Variants in RBPMS observed in about 807,000 individuals in gnomAD.
The protein encoded by RBPMS is RNA-binding protein with multiple splicing.
RBPMS carries 7 observed loss-of-function variants against 26.8 expected under a neutral mutation model. The ratio of observed to expected loss-of-function variants is 0.26; its 90% CI spans 0.15 to 0.49. RBPMS has a LOEUF of 0.49. Among genes scored for constraint, RBPMS ranks in the 20% least tolerant of loss-of-function variants. The pLI, the probability that RBPMS is intolerant of heterozygous loss-of-function variation, is 0.98. For missense variants in RBPMS, 186 were observed against 250.0 expected (o/e 0.74, Z 1.73); for synonymous variants, 96 against 93.3 (o/e 1.03, Z -0.17).
intron 5 of RBPMS, chr8:30,537,575 CAGT>C (rs771200790): frequency 4.4e-6 from 2 of 456,188 alleles, no homozygotes; most frequent in Non-Finnish European, 4.4e-6. Flanking sequence ...TCTTTATCAT[CAGT>C]AGGTGGAGCT....
Position 30,561,868 on chromosome 8 carries a change from G to A in RBPMS, c.*7+2912G>A, listed in dbSNP as rs79942102. Reference sequence around the variant, plus strand: ...AAGACATCCATTGTGAAGCAGTTGCGTGGGTTCCAGTGACAGAGATCCTGG... The same window carrying A: ...AAGACATCCATTGTGAAGCAGTTGCATGGGTTCCAGTGACAGAGATCCTGG... On this transcript the variant is annotated intron_variant, in intron 7 of 8. Transcript: ENST00000397323. 3.2e-4 allele frequency: 315 copies of A among 985,142 alleles called. 5 individuals are homozygous for A. In the East Asian group the frequency reaches 0.029, roughly 90 times the overall value. The allele number at this position is 985,142 out of a possible 1,614,324, so 61.0% of individuals were successfully genotyped here.
At chr8:30,568,611 A>G (rs1828055798) in intron 8 of RBPMS, among the ~76,000 whole-genome samples, 1 of 152,188 alleles carries the variant, frequency 6.6e-6, no homozygotes, top group African/African-American at 2.4e-5. Context: ...CATCACCTGT[A>G]TGTCATAGTC....
At chr8:30,409,132 A>G (rs957885965) in intron 1 of RBPMS, among the ~76,000 whole-genome samples, 9 of 151,334 alleles carry the variant, frequency 5.9e-5, no homozygotes, top group Non-Finnish European at 1.2e-4. Context: ...TTTACATGTC[A>G]GTCTGTTCTT....
At chr8:30,410,501 C>G (rs1273964875) in intron 1 of RBPMS, among the ~76,000 whole-genome samples, 2 of 151,962 alleles carry the variant, frequency 1.3e-5, no homozygotes, top group Non-Finnish European at 2.9e-5. Context: ...AGCCACCGTG[C>G]CTGGCCAACT....
chr8:30,567,411 C>G (rs1428055224), intron 8 of RBPMS, among the ~76,000 whole-genome samples: 1 of 152,222 alleles, frequency 6.6e-6, no homozygotes. Context: ...GTGCCTGTTT[C>G]TTGCACTAAC....
At position 30,486,632 on chromosome 8, in the gene RBPMS, C is replaced by CA. The variant is rs564637889; in HGVS notation, c.246+7264dup. ...TGGGCGATGGAGTGAGACTCTCTCT[C>CA]AAAAAAAAATAAAAAAATAAAAGAA... On this transcript the variant is annotated intron_variant, in intron 4 of 8. Transcript: ENST00000397323. Among the ~76,000 whole-genome samples, 143 of 114,220 alleles carry CA rather than the reference C, an allele frequency of 1.3e-3. 1 individual carries two copies. The highest frequency in any genetic ancestry group is 3.2e-3 in the African/African-American group (102 of 31,534). The allele number at this position is 114,220 out of a possible 152,430, so 74.9% of individuals were successfully genotyped here.
chr8:30,511,450 C>A (rs372389488), intron 5 of RBPMS, among the ~76,000 whole-genome samples: 1 of 127,134 alleles, frequency 7.9e-6, no homozygotes, highest in African/African-American at 3.1e-5. Context: ...GGCAAAACCC[C>A]ATCTCTTTAA....
chr8:30,503,107 C>A (rs373181155), intron 4 of RBPMS, among the ~76,000 whole-genome samples: 2 of 152,084 alleles, frequency 1.3e-5, no homozygotes, highest in South Asian at 4.1e-4. Context: ...TCCCTAAGGA[C>A]CTCTCTTTCC....
chr8:30,391,151 G>A (rs956732716), intron 1 of RBPMS, among the ~76,000 whole-genome samples: 1 of 152,198 alleles, frequency 6.6e-6, no homozygotes, highest in Non-Finnish European at 1.5e-5. Flanking sequence ...CCATTTGCGA[G>A]CACAGGTGAG....
intron 1 of RBPMS, among the ~76,000 whole-genome samples, chr8:30,455,831 A>G (rs1231790686): frequency 6.6e-6 from 1 of 152,172 alleles, no homozygotes; most frequent in Non-Finnish European, 1.5e-5. Context: ...CGGAGCTTGC[A>G]GTGAGCTGAG....
At chr8:30,441,772 C>T (rs1813099615) in intron 1 of RBPMS, among the ~76,000 whole-genome samples, 1 of 152,124 alleles carries the variant, frequency 6.6e-6, no homozygotes, top group African/African-American at 2.4e-5. Flanking sequence ...ATTTTTTATT[C>T]GTGGATTCTC....
Position 30,442,425 on chromosome 8 carries a change from C to A in RBPMS, c.67-32354C>A, listed in dbSNP as rs187064200. 2.0e-5 allele frequency among the ~76,000 whole-genome samples: 3 copies of A among 152,286 alleles called. No homozygotes were observed. The East Asian group carries it at 5.8e-4, about 29-fold the overall frequency. The stretch of plus-strand genomic sequence containing the variant: ...TTGCAGGTTTTTCTCAGCTCATTCC[C>A]ACTCCTTTCACCCTCACCGTGGCAA... On this transcript the variant is annotated intron_variant, in intron 1 of 8. Coordinates refer to ENST00000397323, the MANE Select transcript of RBPMS (RefSeq NM_001008710.3).
intron 1 of RBPMS, among the ~76,000 whole-genome samples, chr8:30,456,064 A>C (rs1201006094): frequency 6.6e-6 from 1 of 152,154 alleles, no homozygotes; most frequent in Non-Finnish European, 1.5e-5. Flanking sequence ...GCATGCTAGC[A>C]GTGTTGAATG....
intron 1 of RBPMS, chr8:30,385,399 A>T (rs185015922): frequency 2.1e-5 from 8 of 372,578 alleles, no homozygotes; most frequent in Non-Finnish European, 2.9e-5. Context: ...TTGTAAGTAT[A>T]ATGCTCAGCT....
At chr8:30,556,632 C>A in intron 6 of RBPMS, 1 of 986,228 alleles carries the variant, frequency 1.0e-6, no homozygotes, top group Non-Finnish European at 1.2e-6. Context: ...TGCACACAGA[C>A]CCATCACCCT....
At chr8:30,418,619 C>G (rs56181301) in intron 1 of RBPMS, among the ~76,000 whole-genome samples, 56,758 of 151,932 alleles carry the variant, frequency 0.37, 12,470 homozygotes, top group East Asian at 0.72. Flanking sequence ...CACTCTGTCA[C>G]CCAGGCTGGA....
chr8:30,557,134 T>C (rs1006245066), intron 6 of RBPMS, among the ~76,000 whole-genome samples: 1 of 152,156 alleles, frequency 6.6e-6, no homozygotes, highest in African/African-American at 2.4e-5. Flanking sequence ...TGATCGCTGG[T>C]CATATCTGGC....
chr8:30,419,634 A>T (rs893864099), intron 1 of RBPMS, among the ~76,000 whole-genome samples: 1 of 152,312 alleles, frequency 6.6e-6, no homozygotes, highest in Middle Eastern at 3.4e-3. Context: ...TTTCATGCAC[A>T]TGAGTATTAA....
At chr8:30,567,154 A>T (rs1827947432) in intron 8 of RBPMS, among the ~76,000 whole-genome samples, 1 of 152,268 alleles carries the variant, frequency 6.6e-6, no homozygotes, top group African/African-American at 2.4e-5. Flanking sequence ...CATCCCTCTG[A>T]GGGGCCTATG....
Sources: allele counts gnomAD v4.1 joint callset (sites outside exome capture counted in the v4.1 genomes callset), GRCh38; gene constraint gnomAD v4.1.1; transcripts MANE v1.5; gene names NCBI Gene and HGNC (gene_info 2026-07-23, HGNC 2026-07-21).